UBXN2A: variants seen among roughly 807,000 people sequenced by gnomAD.
UBXN2A encodes the protein UBX domain protein 2A.
Under a neutral mutation model 28.4 loss-of-function variants are expected in UBXN2A, and 28 were observed. The observed-to-expected ratio is 0.99, with a 90% CI of 0.73 to 1.35. The LOEUF (loss-of-function observed/expected upper bound fraction) is 1.35. Ranked by LOEUF, UBXN2A falls within the 40% of genes most tolerant of loss-of-function variation. UBXN2A has a pLI of 0.00. For missense variants in UBXN2A, 253 were observed against 297.9 expected, an observed-to-expected ratio of 0.85 and a Z score of 1.11; for synonymous variants, 97 against 103.6, an observed-to-expected ratio of 0.94 and a Z score of 0.39.
At chr2:23,944,739 T>C (rs1237332719) in intron 1 of UBXN2A, among the ~76,000 whole-genome samples, 1 of 152,092 alleles carries the variant, frequency 6.6e-6, no homozygotes, top group Non-Finnish European at 1.5e-5. Context: ...GGGTGAGGCT[T>C]TGGGCACCAC....
chr2:23,979,950 G>T (rs1375715025), intron 4 of UBXN2A, among the ~76,000 whole-genome samples: 1 of 150,860 alleles, frequency 6.6e-6, no homozygotes, highest in African/African-American at 2.4e-5. Flanking sequence ...ACCCAGCTAT[G>T]TTTAGATATA....
intron 1 of UBXN2A, among the ~76,000 whole-genome samples, chr2:23,935,139 G>GA (rs942397927): frequency 5.9e-5 from 9 of 152,172 alleles, no homozygotes; most frequent in Non-Finnish European, 1.0e-4. Flanking sequence ...AAAATGCTTA[G>GA]AAAAAAACAG....
chr2:23,976,436 T>G (rs1359230916), intron 3 of UBXN2A, among the ~76,000 whole-genome samples: 2 of 152,160 alleles, frequency 1.3e-5, no homozygotes, highest in East Asian at 3.8e-4. Flanking sequence ...AGTAGTCCAT[T>G]TTTACGCTGC....
Position 23,953,496 on chromosome 2 carries a change from C to T in UBXN2A, c.-14-4805C>T, listed in dbSNP as rs147711679. 9.4e-4 allele frequency among the ~76,000 whole-genome samples: 143 copies of T among 152,294 alleles called. 1 individual carries two copies. Among genetic ancestry groups the T allele is most frequent in the Middle Eastern group, 3.4e-3 (1 of 294 alleles). Reference sequence around the variant, plus strand: ...AAAAAACTTATAGCTACAGTCCCATCGTCACACCCTAAAAATTAATCATCG... The same window carrying T: ...AAAAAACTTATAGCTACAGTCCCATTGTCACACCCTAAAAATTAATCATCG... On this transcript the variant is annotated intron_variant, in intron 1 of 6. Transcript: ENST00000309033.
chr2:23,961,117 C>A (rs965810001), intron 2 of UBXN2A, among the ~76,000 whole-genome samples: 1 of 141,714 alleles, frequency 7.1e-6, no homozygotes. Context: ...TTTTTTGAGA[C>A]GGAGTTTTGC....
chr2:23,970,262 C>T (rs370275493), intron 2 of UBXN2A, among the ~76,000 whole-genome samples: 4 of 152,130 alleles, frequency 2.6e-5, no homozygotes, highest in East Asian at 3.8e-4. Context: ...CCAGCCTGCA[C>T]GACAGAGAGG....
chr2:23,998,181 T>C (rs1359047394), intron 6 of UBXN2A, among the ~76,000 whole-genome samples: 1 of 152,200 alleles, frequency 6.6e-6, no homozygotes, highest in Non-Finnish European at 1.5e-5. Flanking sequence ...GTTTCTGTCA[T>C]TTCCACTTTC....
At chr2:23,936,925 C>T (rs1352367330), upstream of UBXN2A, among the ~76,000 whole-genome samples, 1 of 152,070 alleles carries the variant, frequency 6.6e-6, no homozygotes, top group Non-Finnish European at 1.5e-5. Context: ...TGCCCAGGCT[C>T]GTCTCGAACT....
At chr2:23,954,924 T>TGC in intron 1 of UBXN2A, among the ~76,000 whole-genome samples, 1 of 147,914 alleles carries the variant, frequency 6.8e-6, no homozygotes, top group South Asian at 2.2e-4. Context: ...GTGCCCAGCT[T>TGC]GCCTACCTTT....
At chr2:23,932,689 G>A (rs1489671505) in intron 1 of UBXN2A, among the ~76,000 whole-genome samples, 1 of 152,352 alleles carries the variant, frequency 6.6e-6, no homozygotes, top group East Asian at 1.9e-4. Context: ...TGAGTCAAAA[G>A]TGATCCTAAG....
Position 23,999,744 on chromosome 2 carries a change from A to T in UBXN2A, c.657A>T (p.Thr219=). The change falls in exon 7 of 7, where the codon ACA becomes ACT. Residue 219 remains threonine, a synonymous_variant. Transcript: ENST00000309033. ...GAAGTCCTCCGTTTTCCCTGGCAAC[A>T]GCTCTTCCTGTCCTCAGGTTGCTAG... ...SQRSPPFSLA[T]ALPVLRLLDE... 6.2e-7 allele frequency: 1 copy of T among 1,614,180 alleles called. No individual in the cohort carries two copies. Among genetic ancestry groups the T allele is most frequent in the Non-Finnish European group, 8.5e-7 (1 of 1,180,040 alleles).
intron 1 of UBXN2A, among the ~76,000 whole-genome samples, chr2:23,930,678 C>T (rs920734548): frequency 3.3e-5 from 5 of 151,910 alleles, no homozygotes; most frequent in Non-Finnish European, 7.4e-5. Flanking sequence ...GCGCTGGTCA[C>T]ATAGTGACAC....
chr2:23,978,495 T>A (rs533825555), intron 4 of UBXN2A, among the ~76,000 whole-genome samples: 2 of 150,082 alleles, frequency 1.3e-5, no homozygotes, highest in African/African-American at 2.5e-5. Flanking sequence ...TACAAAAAAA[T>A]TAGCCAGGTG....
Position 24,001,530 on chromosome 2 carries a change from T to G in UBXN2A, c.*1663T>G, listed in dbSNP as rs1333912764. On this transcript the variant is annotated 3_prime_UTR_variant, in exon 7 of 7. Transcript: ENST00000309033. ...GCATTGAGTGTGCCAAGGAACTAAG[T>G]GGTCCATAGCAGCAGTAATGTTCAT... 6.6e-6 allele frequency: 1 copy of G among 152,058 alleles called. No individual in the cohort carries two copies. Among genetic ancestry groups the G allele is most frequent in the Non-Finnish European group, 1.5e-5 (1 of 68,000 alleles). 9.4% of individuals were successfully genotyped at this position (152,058 alleles called of 1,614,324 possible).
At chr2:23,927,521 A>C (rs1272571599) in exon 1 of UBXN2A, 1 of 152,276 alleles carries the variant, frequency 6.6e-6, no homozygotes, top group Non-Finnish European at 1.5e-5. Flanking sequence ...ACCCGAGGCA[A>C]GACACTGAAC....
intron 6 of UBXN2A, 22 bp downstream of exon 6, chr2:23,984,853 T>C (rs1270924193): frequency 6.5e-7 from 1 of 1,534,978 alleles, no homozygotes; most frequent in Non-Finnish European, 8.7e-7. Flanking sequence ...ATTTCAGTAT[T>C]TGATATTTTT....
At chr2:23,939,108 C>T (rs1705626939), upstream of UBXN2A, among the ~76,000 whole-genome samples, 1 of 151,994 alleles carries the variant, frequency 6.6e-6, no homozygotes, top group Non-Finnish European at 1.5e-5. Context: ...ACAAATAAAT[C>T]CCGATTTAGG....
rs760269453 is a variant in UBXN2A, at chr2:23,977,065, A to G, written c.277A>G (p.Ile93Val). 1 of 1,611,846 alleles carries G rather than the reference A, an allele frequency of 6.2e-7. No homozygotes were observed. Among genetic ancestry groups the G allele is most frequent in the East Asian group, 2.2e-5 (1 of 44,822 alleles). ...TGCCAGTCAGCAGTTTTTGAACTCCATCAAAAAGGGGTGAGTAGCCAGGTG... is the reference window on the plus strand; with the variant it reads ...TGCCAGTCAGCAGTTTTTGAACTCCGTCAAAAAGGGGTGAGTAGCCAGGTG... ...DGASQQFLNS[I>V]KKGELPSELQ... Residue 93 changes from isoleucine (I) to valine (V), a missense_variant, in exon 4 of 7, where the codon ATC becomes GTC. By Grantham distance (29) the Ile-to-Val change is conservative. Transcript: ENST00000309033.
chr2:23,970,256 C>T (rs1163839439), intron 2 of UBXN2A, among the ~76,000 whole-genome samples: 1 of 152,164 alleles, frequency 6.6e-6, no homozygotes, highest in Non-Finnish European at 1.5e-5. Context: ...TCCACTCCAG[C>T]CTGCACGACA....
Sources: gnomAD v4.1 joint callset for allele counts (sites outside exome capture counted in the v4.1 genomes callset) on GRCh38, gnomAD v4.1.1 for gene constraint, MANE v1.5 for transcripts, NCBI Gene and HGNC (gene_info 2026-07-23, HGNC 2026-07-21) for gene names.